NXPH1: variants seen among roughly 807,000 people sequenced by gnomAD.
NXPH1 encodes the protein neurexophilin-1.
In NXPH1, 5 loss-of-function variants were observed where a neutral mutation model predicts 23.7. The observed-to-expected ratio is 0.21, with a 90% CI of 0.11 to 0.44. NXPH1 has a LOEUF of 0.44. Among genes scored for constraint, NXPH1 ranks in the 20% least tolerant of loss-of-function variants. NXPH1 has a pLI of 0.99. For missense variants in NXPH1, 324 were observed against 321.6 expected, an observed-to-expected ratio of 1.01 and a Z score of -0.06; for synonymous variants, 144 against 122.2, an observed-to-expected ratio of 1.18 and a Z score of -1.18.
intron 2 of NXPH1, among the ~76,000 whole-genome samples, chr7:8,529,722 T>A (rs1002776523): frequency 8.5e-5 from 13 of 152,294 alleles, no homozygotes; most frequent in African/African-American, 2.6e-4. Flanking sequence ...GCAGATTAAG[T>A]GAGCTAGGGC....
At chr7:8,539,559 T>C (rs967719538) in intron 2 of NXPH1, among the ~76,000 whole-genome samples, 1 of 151,894 alleles carries the variant, frequency 6.6e-6, no homozygotes, top group African/African-American at 2.4e-5. Flanking sequence ...ACTTTCACAG[T>C]GGTTGCAGAA....
chr7:8,590,395 T>A (rs1209160051), intron 2 of NXPH1, among the ~76,000 whole-genome samples: 1 of 152,068 alleles, frequency 6.6e-6, no homozygotes, highest in African/African-American at 2.4e-5. Flanking sequence ...TATAAAACAG[T>A]CGACTGGCCA....
intron 2 of NXPH1, among the ~76,000 whole-genome samples, chr7:8,544,184 TTA>T (rs1296239553): frequency 4.0e-5 from 6 of 151,592 alleles, no homozygotes; most frequent in Non-Finnish European, 8.9e-5. Flanking sequence ...ACTAAAAACT[TTA>T]TGTCACTCTT....
intron 2 of NXPH1, among the ~76,000 whole-genome samples, chr7:8,495,210 T>A (rs762512234): frequency 3.3e-5 from 5 of 151,946 alleles, no homozygotes; most frequent in Admixed American, 6.6e-5. Flanking sequence ...GGATTGATGT[T>A]GCAGTCTTGA....
intron 2 of NXPH1, among the ~76,000 whole-genome samples, chr7:8,731,236 ATTC>A (rs1371282188): frequency 1.3e-5 from 2 of 151,838 alleles, no homozygotes; most frequent in African/African-American, 4.8e-5. Flanking sequence ...CTAGTTATAC[ATTC>A]TTCTAAATTT....
intron 2 of NXPH1, among the ~76,000 whole-genome samples, chr7:8,659,266 G>A (rs1020268194): frequency 1.3e-5 from 2 of 152,132 alleles, no homozygotes; most frequent in East Asian, 1.9e-4. Flanking sequence ...AGAAAACATT[G>A]CTATTTAGAA....
chr7:8,457,303 T>C (rs1274740947), intron 2 of NXPH1, among the ~76,000 whole-genome samples: 1 of 152,134 alleles, frequency 6.6e-6, no homozygotes, highest in Non-Finnish European at 1.5e-5. Flanking sequence ...TCTCAGACAA[T>C]CAGAGAGCCT....
intron 2 of NXPH1, among the ~76,000 whole-genome samples, chr7:8,583,780 C>G (rs115350532): frequency 7.2e-4 from 109 of 152,194 alleles, no homozygotes; most frequent in African/African-American, 2.5e-3. Context: ...GCAGGTAGTC[C>G]CCTCCCATTC....
rs766150948 is a variant in NXPH1 at position 8,559,251 on chromosome 7, C to A, written c.54+123484C>A. On this transcript the variant is annotated intron_variant, in intron 2 of 2. Coordinates refer to ENST00000405863, the MANE Select transcript of NXPH1 (RefSeq NM_152745.3). ...AAGATTATAGGCATGAGCCGCCACG[C>A]CCTGGTGGAATCTAATTTTAGAACA... Among the ~76,000 whole-genome samples, 12 of 151,762 alleles carry A rather than the reference C, an allele frequency of 7.9e-5. No individual in the cohort carries two copies. The East Asian group carries it at 2.0e-3, about 25-fold the overall frequency.
chr7:8,733,581 C>G (rs997715396), intron 2 of NXPH1, among the ~76,000 whole-genome samples: 4 of 152,160 alleles, frequency 2.6e-5, no homozygotes, highest in Admixed American at 2.6e-4. Flanking sequence ...TTCTAACTGG[C>G]GTGAGATAGT....
intron 2 of NXPH1, among the ~76,000 whole-genome samples, chr7:8,480,693 T>G (rs1394535061): frequency 6.6e-6 from 1 of 152,176 alleles, no homozygotes; most frequent in East Asian, 1.9e-4. Flanking sequence ...AACCTAGAGT[T>G]GATCTTTATT....
chr7:8,466,398 T>G (rs528460087), intron 2 of NXPH1, among the ~76,000 whole-genome samples: 1 of 152,182 alleles, frequency 6.6e-6, no homozygotes. Context: ...GAACCAGTGA[T>G]GTATGGAAGC....
At chr7:8,653,951 T>C (rs1016024777) in intron 2 of NXPH1, among the ~76,000 whole-genome samples, 3 of 152,246 alleles carry the variant, frequency 2.0e-5, no homozygotes, top group African/African-American at 7.2e-5. Flanking sequence ...GCACTATTAA[T>C]GTAAGAGTTA....
intron 2 of NXPH1, among the ~76,000 whole-genome samples, chr7:8,644,353 T>G (rs1356238454): frequency 6.6e-6 from 1 of 152,230 alleles, no homozygotes; most frequent in Admixed American, 6.5e-5. Flanking sequence ...TTGCTGACTC[T>G]GAGCTTGGAG....
chr7:8,573,399 C>G (rs1167243318), intron 2 of NXPH1, among the ~76,000 whole-genome samples: 1 of 152,056 alleles, frequency 6.6e-6, no homozygotes, highest in African/African-American at 2.4e-5. Context: ...TCTTGACATA[C>G]ATACTACCGA....
At chr7:8,575,313 C>T (rs1368528976) in intron 2 of NXPH1, among the ~76,000 whole-genome samples, 1 of 152,106 alleles carries the variant, frequency 6.6e-6, no homozygotes, top group African/African-American at 2.4e-5. Context: ...TAAAATGTCT[C>T]TTTTTCTCCT....
At chr7:8,646,790 A>G (rs570204431) in intron 2 of NXPH1, among the ~76,000 whole-genome samples, 19 of 152,040 alleles carry the variant, frequency 1.2e-4, no homozygotes, top group African/African-American at 4.6e-4. Context: ...TTTTATTTTT[A>G]TTTATGTTTA....
chr7:8,693,405 T>A (rs1448332515), intron 2 of NXPH1, among the ~76,000 whole-genome samples: 3 of 152,190 alleles, frequency 2.0e-5, no homozygotes, highest in Non-Finnish European at 2.9e-5. Flanking sequence ...AATTTTTTCA[T>A]ATAGAAAATG....
intron 2 of NXPH1, among the ~76,000 whole-genome samples, chr7:8,452,152 G>A (rs559188395): frequency 7.9e-5 from 12 of 152,270 alleles, no homozygotes; most frequent in African/African-American, 2.6e-4. Flanking sequence ...AGAGTTAATA[G>A]ATATTCAGAA....
Sources: allele counts gnomAD v4.1 joint callset (sites outside exome capture counted in the v4.1 genomes callset), GRCh38; gene constraint gnomAD v4.1.1; transcripts MANE v1.5; gene names NCBI Gene and HGNC (gene_info 2026-07-23, HGNC 2026-07-21).